Variants in MTUS2 observed in about 807,000 individuals in gnomAD.
The protein encoded by MTUS2 is microtubule-associated tumor suppressor candidate 2.
In MTUS2, 40 loss-of-function variants were observed where a neutral mutation model predicts 114.1. That is an observed-to-expected ratio of 0.35 (90% CI 0.27 to 0.46). The LOEUF (loss-of-function observed/expected upper bound fraction) is 0.46. Among genes scored for constraint, MTUS2 ranks in the 20% least tolerant of loss-of-function variants. The pLI is 1.00. For missense variants in MTUS2, 1,679 were observed against 1,705.4 expected, an observed-to-expected ratio of 0.98 and a Z score of 0.27; for synonymous variants, 688 against 672.0, an observed-to-expected ratio of 1.02 and a Z score of -0.37.
chr13:28,825,669 G>T (rs1742574608), intron 1 of MTUS2, among the ~76,000 whole-genome samples: 1 of 152,196 alleles, frequency 6.6e-6, no homozygotes, highest in Admixed American at 6.5e-5. Flanking sequence ...GGGCCTGTCT[G>T]CTGGTTTTTA....
At chr13:28,909,470 C>T (rs148296696) in intron 2 of MTUS2, among the ~76,000 whole-genome samples, 146 of 152,142 alleles carry the variant, frequency 9.6e-4, no homozygotes, top group African/African-American at 3.4e-3. Context: ...TGGGAGTTCA[C>T]TCATGATTTG....
intron 5 of MTUS2, among the ~76,000 whole-genome samples, chr13:29,262,329 C>T (rs1322368163): frequency 6.6e-6 from 1 of 152,170 alleles, no homozygotes; most frequent in Non-Finnish European, 1.5e-5. Flanking sequence ...CAGATTTGGG[C>T]CTCCTTTCTC....
intron 2 of MTUS2, among the ~76,000 whole-genome samples, chr13:28,931,274 TA>T (rs1333525462): frequency 6.6e-6 from 1 of 152,114 alleles, no homozygotes; most frequent in African/African-American, 2.4e-5. Context: ...ATGATAAAAA[TA>T]ATACAAATAA....
chr13:29,465,817 A>G lies in MTUS2; in HGVS notation c.3185-14333A>G, dbSNP rs562459407. Among the ~76,000 whole-genome samples, 7 of 152,270 alleles carry G rather than the reference A, an allele frequency of 4.6e-5. 1 individual carries two copies. In the South Asian group the frequency reaches 1.5e-3, roughly 32 times the overall value. ...TGCTCCATAAGGTTGCATTACCTTC[A>G]TTTTCTAGTTAAAGGTCGCTTCTCT... On this transcript the variant is annotated intron_variant, in intron 9 of 15. Transcript: ENST00000612955.
At chr13:29,377,554 T>C (rs546842266) in intron 8 of MTUS2, among the ~76,000 whole-genome samples, 47 of 152,138 alleles carry the variant, frequency 3.1e-4, no homozygotes, top group Middle Eastern at 3.4e-3. Flanking sequence ...TTGAGGAAAA[T>C]TAGAAAATAT....
At chr13:28,918,194 G>C (rs1192447772) in intron 2 of MTUS2, among the ~76,000 whole-genome samples, 1 of 151,900 alleles carries the variant, frequency 6.6e-6, no homozygotes, top group Non-Finnish European at 1.5e-5. Context: ...AGGTTGATTT[G>C]ATCTACAGTG....
At chr13:29,415,885 T>G (rs1475660129) in intron 8 of MTUS2, among the ~76,000 whole-genome samples, 1 of 152,034 alleles carries the variant, frequency 6.6e-6, no homozygotes, top group Non-Finnish European at 1.5e-5. Flanking sequence ...TCCCGTTTTC[T>G]TAGTTAACCT....
intron 2 of MTUS2, among the ~76,000 whole-genome samples, chr13:28,994,290 C>A (rs1884991633): frequency 6.6e-6 from 1 of 152,122 alleles, no homozygotes; most frequent in Non-Finnish European, 1.5e-5. Context: ...TTTTCTTAAT[C>A]CAGTCTATCA....
intron 2 of MTUS2, among the ~76,000 whole-genome samples, chr13:28,887,470 A>C (rs1421325359): frequency 6.6e-6 from 1 of 152,206 alleles, no homozygotes; most frequent in African/African-American, 2.4e-5. Context: ...GGCAGGGTCT[A>C]GTGGAGAGCA....
intron 6 of MTUS2, among the ~76,000 whole-genome samples, chr13:29,306,081 T>C (rs1357660331): frequency 6.6e-6 from 1 of 152,192 alleles, no homozygotes; most frequent in Admixed American, 6.5e-5. Flanking sequence ...TTAATAAAAT[T>C]CAACATTCCT....
chr13:28,902,158 T>G (rs1036395922), intron 2 of MTUS2, among the ~76,000 whole-genome samples: 3 of 152,172 alleles, frequency 2.0e-5, no homozygotes, highest in African/African-American at 7.2e-5. Context: ...GAGACATGAT[T>G]GATATTTACA....
rs372796206 is a variant in MTUS2 at position 29,112,096 on chromosome 13, A to G, written c.2644+11126A>G. Among the ~76,000 whole-genome samples, 14 of 152,330 alleles carry G rather than the reference A, an allele frequency of 9.2e-5. No individual in the cohort carries two copies. In the South Asian group the frequency reaches 1.7e-3, roughly 18 times the overall value. ...AGCATACTTCCCTTCCTATAACTACATCCAGCAGATTTGGGCTGAAAATAA... is the reference window on the plus strand; with the variant it reads ...AGCATACTTCCCTTCCTATAACTACGTCCAGCAGATTTGGGCTGAAAATAA... On this transcript the variant is annotated intron_variant, in intron 5 of 15. Transcript: ENST00000612955.
At chr13:28,976,031 G>A (rs547484464) in intron 2 of MTUS2, among the ~76,000 whole-genome samples, 1 of 151,994 alleles carries the variant, frequency 6.6e-6, no homozygotes, top group East Asian at 1.9e-4. Flanking sequence ...TGGCAGAGCT[G>A]CCTTGGAGGC....
Position 29,141,276 on chromosome 13 carries a change from G to A in MTUS2, c.2644+40306G>A, listed in dbSNP as rs190444592. ...CAGAATGCAGTGTGGTAAGTGCCAC[G>A]ATCAGGGTAAATAGAGGGTTGCCCA... is the stretch of plus-strand genomic sequence containing the variant. On this transcript the variant is annotated intron_variant, in intron 5 of 15. Coordinates refer to ENST00000612955, the MANE Select transcript of MTUS2 (RefSeq NM_001033602.4). 1.5e-3 allele frequency among the ~76,000 whole-genome samples: 223 copies of A among 152,294 alleles called. 1 individual carries two copies. The highest frequency in any genetic ancestry group is 2.5e-3 in the Non-Finnish European group (171 of 68,022).
chr13:29,049,252 C>T (rs1205374280), intron 4 of MTUS2, among the ~76,000 whole-genome samples: 3 of 152,156 alleles, frequency 2.0e-5, no homozygotes, highest in Non-Finnish European at 4.4e-5. Context: ...CTTTTGTTTG[C>T]TTGCTATTTT....
intron 5 of MTUS2, among the ~76,000 whole-genome samples, chr13:29,215,065 A>G (rs1895621670): frequency 6.6e-6 from 1 of 150,938 alleles, no homozygotes; most frequent in Non-Finnish European, 1.5e-5. Context: ...ATTTCTTTTC[A>G]TTCTTTTTCC....
At position 28,943,387 on chromosome 13, in the gene MTUS2, A is replaced by G. The variant is rs925140950; in HGVS notation, c.-242-81070A>G. ...CCCCATCAGGATTACTGTGCTGTCT[A>G]ACCTGGTAGTCCTTAGCCACAGATG... is the stretch of plus-strand genomic sequence containing the variant. On this transcript the variant is annotated intron_variant, in intron 2 of 15. Coordinates refer to ENST00000612955, the MANE Select transcript of MTUS2 (RefSeq NM_001033602.4). Among the ~76,000 whole-genome samples, 3 of 152,368 alleles carry G rather than the reference A, an allele frequency of 2.0e-5. No individual in the cohort carries two copies. The East Asian group carries it at 5.8e-4, about 29-fold the overall frequency.
chr13:29,073,396 A>G (rs2138698102), intron 4 of MTUS2, among the ~76,000 whole-genome samples: 1 of 152,352 alleles, frequency 6.6e-6, no homozygotes, highest in South Asian at 2.1e-4. Context: ...AACAAAACAA[A>G]CAACTTTGAC....
chr13:29,213,492 G>A (rs1361938583), intron 5 of MTUS2, among the ~76,000 whole-genome samples: 1 of 152,154 alleles, frequency 6.6e-6, no homozygotes, highest in African/African-American at 2.4e-5. Context: ...AACTTTATCA[G>A]CCTTTCCTCC....
Sources: gnomAD v4.1 joint callset for allele counts (sites outside exome capture counted in the v4.1 genomes callset) on GRCh38, gnomAD v4.1.1 for gene constraint, MANE v1.5 for transcripts, NCBI Gene and HGNC (gene_info 2026-07-23, HGNC 2026-07-21) for gene names.